The following DNAH5 variants were observed in gnomAD, a reference collection of about 807,000 sequenced individuals.
The protein encoded by DNAH5 is dynein axonemal heavy chain 5, also known as axonemal beta dynein heavy chain 5.
DNAH5 carries 372 observed loss-of-function variants against 518.2 expected under a neutral mutation model. That is an observed-to-expected ratio of 0.72 (90% CI 0.66 to 0.78). DNAH5 has a LOEUF of 0.78. Among genes scored for constraint, DNAH5 ranks in the 30% least tolerant of loss-of-function variants. DNAH5 has a pLI of 0.00. For synonymous variants in DNAH5, 2,039 were observed against 2,025.9 expected, an observed-to-expected ratio of 1.01 and a Z score of -0.17; for missense variants, 5,523 against 5,687.0, an observed-to-expected ratio of 0.97 and a Z score of 0.93.
chr5:13,764,632 A>G (rs2126754984), intron 59 of DNAH5, among the ~76,000 whole-genome samples: 1 of 152,368 alleles, frequency 6.6e-6, no homozygotes, highest in Admixed American at 6.5e-5. Context: ...AAAACTCTTC[A>G]GCACTGCCTA....
chr5:13,724,293 G>C (rs901872169), intron 70 of DNAH5, among the ~76,000 whole-genome samples: 1 of 152,204 alleles, frequency 6.6e-6, no homozygotes, highest in Admixed American at 6.5e-5. Context: ...TTTAAGGACT[G>C]CCCTGCTGTG....
intron 1 of DNAH5, among the ~76,000 whole-genome samples, chr5:14,010,302 A>C (rs549471578): frequency 6.6e-6 from 1 of 152,302 alleles, no homozygotes; most frequent in African/African-American, 2.4e-5. Flanking sequence ...AAATTCTTTA[A>C]GTTCAACTCG....
chr5:13,955,905 C>G (rs1022797681), intron 1 of DNAH5, among the ~76,000 whole-genome samples: 1 of 152,064 alleles, frequency 6.6e-6, no homozygotes, highest in Admixed American at 6.5e-5. Flanking sequence ...AAATTTTACT[C>G]TAATATACAG....
At chr5:13,986,178 T>C (rs1003124736) in intron 1 of DNAH5, among the ~76,000 whole-genome samples, 1 of 152,254 alleles carries the variant, frequency 6.6e-6, no homozygotes, top group African/African-American at 2.4e-5. Flanking sequence ...GGAAATGCAT[T>C]GCGGCTCCAA....
In DNAH5 at chr5:13,843,207, T is replaced by A. The variant is rs1043263510; in HGVS notation, c.5272-1303A>T. Among the ~76,000 whole-genome samples the A allele has an allele frequency of 2.6e-5, 4 of 152,350 alleles. No homozygotes were observed. In the East Asian group the frequency reaches 7.7e-4, roughly 29 times the overall value. ...CCTTGTTACAGCTGTTCAGCCTTTTTTATCCTGATTTTGCAATGGCTTCTT... is the reference window on the plus strand; with the variant it reads ...CCTTGTTACAGCTGTTCAGCCTTTTATATCCTGATTTTGCAATGGCTTCTT... On this transcript the variant is annotated intron_variant, in intron 32 of 78. Coordinates refer to ENST00000265104, the MANE Select transcript of DNAH5 (RefSeq NM_001369.3).
intron 1 of DNAH5, among the ~76,000 whole-genome samples, chr5:13,986,526 G>A (rs1783065640): frequency 6.6e-6 from 1 of 152,080 alleles, no homozygotes; most frequent in African/African-American, 2.4e-5. Flanking sequence ...CTAGTGATTG[G>A]CTTCTCTCTC....
intron 62 of DNAH5, 31 bp downstream of exon 62, chr5:13,754,172 C>T (rs369304370): frequency 1.9e-6 from 3 of 1,613,696 alleles, no homozygotes; most frequent in African/African-American, 2.7e-5. Context: ...ACAGTCAACA[C>T]ACAATCTCAT....
chr5:13,862,303 G>T (rs1768568747), intron 29 of DNAH5, among the ~76,000 whole-genome samples: 2 of 152,142 alleles, frequency 1.3e-5, no homozygotes, highest in African/African-American at 4.8e-5. Context: ...TCTAACATGT[G>T]CCTGAGGCCA....
At chr5:13,902,261 T>A in intron 12 of DNAH5, 123 bp from the exon 13 acceptor site, 1 of 706,076 alleles carries the variant, frequency 1.4e-6, no homozygotes, top group Non-Finnish European at 2.4e-6. Context: ...TAACCGAAAA[T>A]TGAATGAGCT....
At position 13,751,234 on chromosome 5, in the gene DNAH5, A is replaced by G. The variant is rs769048041; in HGVS notation, c.11055T>C (p.Asp3685=). 6.2e-7 allele frequency: 1 copy of G among 1,613,812 alleles called. No individual in the cohort carries two copies. The highest frequency in any genetic ancestry group is 8.5e-7 in the Non-Finnish European group (1 of 1,179,890). ...TGTAGAGTCTAAAGCCATCCAACAC[A>G]TCTACTTCCTTGTCACCAACTTTCA... The part of the protein sequence containing the change: ...FKVKVGDKEV[D]VLDGFRLYIT... The change falls in exon 65 of 79, where the codon GAT becomes GAC. Residue 3685 remains aspartate, a synonymous_variant. Transcript: ENST00000265104.
chr5:13,734,982 T>G (rs1422980058), intron 68 of DNAH5, 149 bp downstream of exon 68: 2 of 754,246 alleles, frequency 2.7e-6, no homozygotes, highest in African/African-American at 1.7e-5. Context: ...TAGTTATCAC[T>G]CAAGAAAAGA....
intron 61 of DNAH5, among the ~76,000 whole-genome samples, chr5:13,756,091 C>T (rs1750963776): frequency 6.6e-6 from 1 of 152,224 alleles, no homozygotes; most frequent in Non-Finnish European, 1.5e-5. Context: ...AGAGAGGTGA[C>T]TGGCTCTCCA....
In DNAH5 at chr5:13,989,684, C is replaced by T. The variant is rs559663345; in HGVS notation, c.12+21964G>A. 2.9e-3 allele frequency among the ~76,000 whole-genome samples: 436 copies of T among 152,024 alleles called. 2 individuals carry two copies. Among genetic ancestry groups the T allele is most frequent in the African/African-American group, 0.01 (418 of 41,474 alleles). Reference sequence around the variant, plus strand: ...ATTTTTAGTAGAGACGGGGTTTCACCGTATTAGCCAGGATGATCTCGATCT... The same window carrying T: ...ATTTTTAGTAGAGACGGGGTTTCACTGTATTAGCCAGGATGATCTCGATCT... On this transcript the variant is annotated intron_variant, in intron 1 of 78. Transcript: ENST00000681290.
rs747174844 is a variant in DNAH5, at chr5:13,916,399, A to G, written c.1146T>C (p.Ser382=). ...TLINAIKMIY[S]ISHYYNTSEK... ...CAGAGGTATTATAGTAATGAGAGAT[A>G]CTATAGATCATTTTAATTGCATTTA... Residue 382 remains serine (S), a synonymous_variant, in exon 9 of 79, where the codon AGT becomes AGC. Transcript: ENST00000265104. 32 of 1,550,884 alleles carry G rather than the reference A, an allele frequency of 2.1e-5. No individual in the cohort carries two copies. In the South Asian group the frequency reaches 3.5e-4, roughly 17 times the overall value.
At chr5:13,904,238 T>C (rs1041584455) in intron 12 of DNAH5, among the ~76,000 whole-genome samples, 2 of 150,934 alleles carry the variant, frequency 1.3e-5, no homozygotes, top group African/African-American at 4.8e-5. Flanking sequence ...AAATAGATTG[T>C]AGAAGTAACT....
At chr5:13,866,795 T>C (rs1451062567) in intron 25 of DNAH5, among the ~76,000 whole-genome samples, 3 of 152,244 alleles carry the variant, frequency 2.0e-5, no homozygotes, top group Non-Finnish European at 4.4e-5. Context: ...TTGTGGTTTA[T>C]TGTGCTACTA....
intron 1 of DNAH5, among the ~76,000 whole-genome samples, chr5:13,984,963 A>G (rs1054996380): frequency 1.3e-5 from 2 of 152,202 alleles, no homozygotes; most frequent in Non-Finnish European, 2.9e-5. Context: ...ATGCTGCTAT[A>G]AAGACACATG....
intron 76 of DNAH5, among the ~76,000 whole-genome samples, chr5:13,706,501 C>T (rs1456992466): frequency 6.6e-6 from 1 of 152,138 alleles, no homozygotes; most frequent in Non-Finnish European, 1.5e-5. Flanking sequence ...GCTACACCTC[C>T]CACTCTTTTC....
At chr5:13,909,004 AAG>A (rs1775676516) in intron 12 of DNAH5, among the ~76,000 whole-genome samples, 1 of 152,222 alleles carries the variant, frequency 6.6e-6, no homozygotes, top group Non-Finnish European at 1.5e-5. Flanking sequence ...AGTTAAGAGA[AAG>A]AGAATGGACA....
Sources: gnomAD v4.1 joint callset for allele counts (sites outside exome capture counted in the v4.1 genomes callset) on GRCh38, gnomAD v4.1.1 for gene constraint, MANE v1.5 for transcripts, NCBI Gene and HGNC (gene_info 2026-07-23, HGNC 2026-07-21) for gene names.